The following FZD6 variants were observed in gnomAD, a reference collection of about 807,000 sequenced individuals.
The protein encoded by FZD6 is frizzled class receptor 6.
FZD6 carries 49 observed loss-of-function variants against 61.4 expected under a neutral mutation model. The ratio of observed to expected loss-of-function variants is 0.80; its 90% CI spans 0.63 to 1.01. FZD6 has a LOEUF of 1.01. Among genes scored for constraint, FZD6 ranks in the 50% least tolerant of loss-of-function variants. The probability of loss-of-function intolerance (pLI) is 0.00; values close to 1 mark genes in which losing one functional copy is unlikely to be tolerated. For synonymous variants in FZD6, 265 were observed against 292.2 expected (o/e 0.91, Z 0.95); for missense variants, 724 against 848.2 (o/e 0.85, Z 1.82).
chr8:103,323,024 T>A (rs1814836907), intron 3 of FZD6, among the ~76,000 whole-genome samples: 1 of 152,198 alleles, frequency 6.6e-6, no homozygotes, highest in Non-Finnish European at 1.5e-5. Flanking sequence ...TCTGTCGACA[T>A]GGATAAATCT....
intron 2 of FZD6, among the ~76,000 whole-genome samples, chr8:103,306,416 GC>G (rs1258461256): frequency 6.6e-6 from 1 of 150,664 alleles, no homozygotes; most frequent in Admixed American, 6.6e-5. Flanking sequence ...AACAGTATTT[GC>G]CCAGTGAAGT....
At chr8:103,317,216 G>A (rs1407613439) in intron 2 of FZD6, among the ~76,000 whole-genome samples, 2 of 152,106 alleles carry the variant, frequency 1.3e-5, no homozygotes, top group Non-Finnish European at 2.9e-5. Context: ...AAATACACAT[G>A]GAACTATAAG....
At chr8:103,321,955 A>T (rs1035945623) in intron 3 of FZD6, among the ~76,000 whole-genome samples, 6 of 152,072 alleles carry the variant, frequency 3.9e-5, no homozygotes, top group Non-Finnish European at 8.8e-5. Flanking sequence ...TGTCTTTATT[A>T]TGATAGTCTA....
intron 1 of FZD6, among the ~76,000 whole-genome samples, chr8:103,299,607 A>C (rs1814092037): frequency 6.6e-6 from 1 of 151,602 alleles, no homozygotes; most frequent in Non-Finnish European, 1.5e-5. Flanking sequence ...TGTACTTAAT[A>C]AGCTTTCCAA....
At chr8:103,316,774 A>G (rs1040971173) in intron 2 of FZD6, among the ~76,000 whole-genome samples, 1 of 152,134 alleles carries the variant, frequency 6.6e-6, no homozygotes, top group Non-Finnish European at 1.5e-5. Flanking sequence ...GGAAACATTT[A>G]TGACCTTCTC....
At chr8:103,328,212 C>T (rs747028715) in intron 4 of FZD6, 56 bp from the exon 5 acceptor site, 259 of 1,318,676 alleles carry the variant, frequency 2.0e-4, no homozygotes, top group Non-Finnish European at 2.7e-4. Context: ...ACAATATAGA[C>T]TTCTTTCCAC....
chr8:103,299,935 AC>A lies in FZD6; in HGVS notation c.-152-18del, dbSNP rs1814104001. The A allele has an allele frequency of 1.7e-6, 1 of 589,298 alleles. No individual in the cohort carries two copies. Among genetic ancestry groups the A allele is most frequent in the African/African-American group, 1.9e-5 (1 of 53,656 alleles). 36.5% of individuals were successfully genotyped at this position (589,298 alleles called of 1,614,324 possible). ...AGTTTATGACAAATGTTGCTGATAC[AC>A]CCTCCTTTTGTTTTTACAGTAATTG... On this transcript the variant is annotated intron_variant, in intron 1 of 6. Transcript: ENST00000358755.
In FZD6 at chr8:103,324,678, A is replaced by G; in HGVS notation, c.572A>G (p.Lys191Arg). 6 of 1,614,098 alleles carry G rather than the reference A, an allele frequency of 3.7e-6. No homozygotes were observed. The highest frequency in any genetic ancestry group is 5.1e-6 in the Non-Finnish European group (6 of 1,179,932). Residue 191 changes from lysine to arginine, a missense_variant, in exon 4 of 7, where the codon AAA becomes AGA. Transcript: ENST00000358755. ...CAPPCPNMYF[K>R]SDELEFAKSF... ...CCTCCATGCCCCAACATGTATTTTA[A>G]AAGTGATGAGCTAGAGTTTGCAAAA...
At chr8:103,319,662 G>C (rs760111215) in intron 3 of FZD6, among the ~76,000 whole-genome samples, 1 of 152,192 alleles carries the variant, frequency 6.6e-6, no homozygotes, top group Admixed American at 6.5e-5. Flanking sequence ...ATGCATTCCT[G>C]TTGGCAAGAT....
At chr8:103,318,869 ATTAT>A (rs1271560312) in intron 3 of FZD6, 83 bp downstream of exon 3, 2 of 796,448 alleles carry the variant, frequency 2.5e-6, no homozygotes, top group Non-Finnish European at 4.5e-6. Flanking sequence ...AGAAGCTTTC[ATTAT>A]TTAATTCCAT....
chr8:103,318,115 A>C (rs898008670), intron 2 of FZD6, among the ~76,000 whole-genome samples: 9 of 152,162 alleles, frequency 5.9e-5, no homozygotes, highest in African/African-American at 2.2e-4. Flanking sequence ...GTAGAGATAG[A>C]GAAGAGGTCT....
intron 4 of FZD6, 87 bp downstream of exon 4, chr8:103,325,585 T>C (rs1586525941): frequency 7.9e-6 from 9 of 1,138,260 alleles, no homozygotes; most frequent in East Asian, 2.3e-5. Context: ...GATGTAAAAG[T>C]TGATTTCAGG....
chr8:103,327,910 G>A (rs1814999990), intron 4 of FZD6, among the ~76,000 whole-genome samples: 1 of 151,974 alleles, frequency 6.6e-6, no homozygotes, highest in African/African-American at 2.4e-5. Flanking sequence ...TATTTTTGTG[G>A]TAGATTATAG....
intron 5 of FZD6, among the ~76,000 whole-genome samples, chr8:103,328,994 TGAGTA>T (rs1563694782): frequency 2.4e-4 from 33 of 139,436 alleles, no homozygotes; most frequent in African/African-American, 8.0e-4. Flanking sequence ...TTTATATTTA[TGAGTA>T]ATTCATTTTA....
chr8:103,301,435 CTG>C (rs1343422856), intron 2 of FZD6, among the ~76,000 whole-genome samples: 1 of 152,160 alleles, frequency 6.6e-6, no homozygotes, highest in Non-Finnish European at 1.5e-5. Flanking sequence ...AGTGAGAACA[CTG>C]TGAAGCAATA....
chr8:103,325,193 G>A lies in FZD6; in HGVS notation c.1087G>A (p.Asp363Asn). 1.2e-6 allele frequency: 2 copies of A among 1,614,156 alleles called. No individual in the cohort carries two copies. Among genetic ancestry groups the A allele is most frequent in the Non-Finnish European group, 1.7e-6 (2 of 1,180,010 alleles). The change falls in exon 4 of 7, where the codon GAC becomes AAC. Residue 363 changes from aspartate (D) to asparagine (N), a missense_variant. Physicochemically the swap from Asp to Asn is conservative, Grantham distance 23 (BLOSUM62 1). Coordinates refer to ENST00000358755, the MANE Select transcript of FZD6 (RefSeq NM_003506.4). Reference protein sequence around the residue: ...ISGVCFVGLYDLDASRYFVLL... With the variant: ...ISGVCFVGLYNLDASRYFVLL... ...TGGAGTTTGCTTTGTTGGCCTTTAT[G>A]ACCTGGATGCTTCTCGCTACTTTGT...
At chr8:103,315,895 T>G (rs1814612468) in intron 2 of FZD6, among the ~76,000 whole-genome samples, 1 of 152,214 alleles carries the variant, frequency 6.6e-6, no homozygotes, top group Non-Finnish European at 1.5e-5. Context: ...CTTTGAACTG[T>G]TTTAGGTGTT....
intron 6 of FZD6, among the ~76,000 whole-genome samples, chr8:103,330,835 T>C (rs544253044): frequency 6.6e-6 from 1 of 152,192 alleles, no homozygotes; most frequent in Non-Finnish European, 1.5e-5. Context: ...GCCCTATATA[T>C]ATAAGTAGTG....
intron 3 of FZD6, among the ~76,000 whole-genome samples, chr8:103,322,395 C>T (rs1489278485): frequency 6.8e-6 from 1 of 146,390 alleles, no homozygotes; most frequent in Non-Finnish European, 1.5e-5. Flanking sequence ...AAAAAAGAAT[C>T]TCAGGCATAT....
Sources: allele counts gnomAD v4.1 joint callset (sites outside exome capture counted in the v4.1 genomes callset), GRCh38; gene constraint gnomAD v4.1.1; transcripts MANE v1.5; gene names NCBI Gene and HGNC (gene_info 2026-07-23, HGNC 2026-07-21).